The following ESRRG variants were observed in gnomAD, a reference collection of about 807,000 sequenced individuals.
The protein encoded by ESRRG is estrogen-related receptor gamma.
ESRRG carries 13 observed loss-of-function variants against 44.0 expected under a neutral mutation model. The observed-to-expected ratio is 0.30, with a 90% confidence interval of 0.19 to 0.47. The LOEUF (loss-of-function observed/expected upper bound fraction) is 0.47, where lower values mean the gene tolerates loss of function less well. Ranked by LOEUF, ESRRG falls within the 20% of genes least tolerant of loss-of-function variation. The pLI is 1.00. For missense variants in ESRRG, 395 were observed against 580.6 expected (o/e 0.68, Z 3.29); for synonymous variants, 215 against 214.6 (o/e 1.00, Z -0.02).
intron 2 of ESRRG, among the ~76,000 whole-genome samples, chr1:216,739,732 G>T (rs11117668): frequency 0.12 from 18,153 of 152,140 alleles, 1,335 homozygotes; most frequent in Middle Eastern, 0.23. Flanking sequence ...CCAGCTCACT[G>T]CTAACTCCTT....
At chr1:216,623,886 C>T (rs867219716) in intron 3 of ESRRG, among the ~76,000 whole-genome samples, 5 of 151,982 alleles carry the variant, frequency 3.3e-5, no homozygotes, top group South Asian at 2.1e-4. Context: ...AGGTCTACAC[C>T]GAGAGCAGAT....
chr1:216,675,902 C>G (rs181754676), intron 2 of ESRRG, among the ~76,000 whole-genome samples: 1 of 152,134 alleles, frequency 6.6e-6, no homozygotes, highest in South Asian at 2.1e-4. Flanking sequence ...TGGCTGTACC[C>G]AAGACCAATT....
intron 1 of ESRRG, among the ~76,000 whole-genome samples, chr1:217,047,231 C>T (rs988091337): frequency 2.0e-4 from 30 of 152,022 alleles, no homozygotes; most frequent in African/African-American, 6.5e-4. Context: ...AAAGAAGTAT[C>T]GTTTTTGAGC....
chr1:216,993,518 C>T (rs543461516), intron 1 of ESRRG, among the ~76,000 whole-genome samples: 13 of 152,314 alleles, frequency 8.5e-5, no homozygotes, highest in South Asian at 8.3e-4. Flanking sequence ...AGAACCATCT[C>T]TGAGTCACCT....
intron 1 of ESRRG, among the ~76,000 whole-genome samples, chr1:216,712,444 G>A (rs1391097318): frequency 6.6e-6 from 1 of 152,192 alleles, no homozygotes; most frequent in Non-Finnish European, 1.5e-5. Context: ...CAGTGTATCA[G>A]CAGTAGTGGC....
intron 3 of ESRRG, among the ~76,000 whole-genome samples, chr1:216,596,667 T>C (rs1323514378): frequency 6.6e-6 from 1 of 152,194 alleles, no homozygotes; most frequent in Non-Finnish European, 1.5e-5. Flanking sequence ...AGCTGAACGT[T>C]TCACATGTGG....
intron 1 of ESRRG, among the ~76,000 whole-genome samples, chr1:216,945,998 T>C (rs938705449): frequency 6.6e-6 from 1 of 152,118 alleles, no homozygotes; most frequent in Admixed American, 6.5e-5. Context: ...CATAAGGAAA[T>C]ATGGGAGGAG....
At chr1:216,720,818 T>C (rs1193687564) in intron 1 of ESRRG, among the ~76,000 whole-genome samples, 1 of 152,208 alleles carries the variant, frequency 6.6e-6, no homozygotes, top group Admixed American at 6.5e-5. Flanking sequence ...TGGACTTCAG[T>C]GATCAGGCTG....
At chr1:216,910,403 C>A (rs939601934) in intron 2 of ESRRG, among the ~76,000 whole-genome samples, 1 of 152,190 alleles carries the variant, frequency 6.6e-6, no homozygotes, top group South Asian at 2.1e-4. Context: ...TACTATACGC[C>A]GCTAATTGAA....
chr1:217,042,030 T>C (rs1009224729), intron 1 of ESRRG, among the ~76,000 whole-genome samples: 1 of 152,196 alleles, frequency 6.6e-6, no homozygotes, highest in Non-Finnish European at 1.5e-5. Flanking sequence ...CTGTCATCTT[T>C]TGATGGTCCC....
intron 1 of ESRRG, among the ~76,000 whole-genome samples, chr1:217,135,843 C>A (rs2093041988): frequency 6.6e-6 from 1 of 152,156 alleles, no homozygotes; most frequent in Admixed American, 6.5e-5. Context: ...CCGCGTGTAG[C>A]CTATAAATAG....
intron 3 of ESRRG, among the ~76,000 whole-genome samples, chr1:216,641,830 T>C (rs887807018): frequency 2.0e-5 from 3 of 152,222 alleles, no homozygotes; most frequent in African/African-American, 7.2e-5. Context: ...CTGTAAAAGA[T>C]AGTCTGGTCT....
chr1:216,940,034 G>GA (rs537734640), intron 1 of ESRRG, among the ~76,000 whole-genome samples: 142 of 148,882 alleles, frequency 9.5e-4, no homozygotes, highest in African/African-American at 3.1e-3. Flanking sequence ...ATAACTTTCA[G>GA]AAAAAAAAAA....
intron 1 of ESRRG, among the ~76,000 whole-genome samples, chr1:216,965,914 A>G (rs1362880152): frequency 1.3e-5 from 2 of 152,174 alleles, no homozygotes; most frequent in African/African-American, 4.8e-5. Context: ...TCAAAGCTCA[A>G]TGTACTAACA....
chr1:217,124,276 C>T (rs1231545292), intron 1 of ESRRG, among the ~76,000 whole-genome samples: 3 of 152,044 alleles, frequency 2.0e-5, no homozygotes. Context: ...ACATTTATTC[C>T]ACAACTCTGG....
chr1:216,737,024 T>C (rs926589906), intron 2 of ESRRG, among the ~76,000 whole-genome samples: 9 of 152,210 alleles, frequency 5.9e-5, no homozygotes, highest in African/African-American at 1.2e-4. Flanking sequence ...TTTCAACACA[T>C]TGAGTCTTAA....
At chr1:216,859,369 G>A (rs1289741755) in intron 2 of ESRRG, among the ~76,000 whole-genome samples, 2 of 152,162 alleles carry the variant, frequency 1.3e-5, no homozygotes, top group Non-Finnish European at 2.9e-5. Context: ...TTCAATTCAG[G>A]AGACACATCT....
intron 3 of ESRRG, among the ~76,000 whole-genome samples, chr1:216,628,895 C>T (rs1415338104): frequency 6.6e-6 from 1 of 152,208 alleles, no homozygotes; most frequent in Non-Finnish European, 1.5e-5. Flanking sequence ...ACCCTTTGGC[C>T]ATTTGTAACA....
chr1:216,729,430 G>A (rs2088250225), intron 2 of ESRRG, among the ~76,000 whole-genome samples: 1 of 152,190 alleles, frequency 6.6e-6, no homozygotes, highest in Non-Finnish European at 1.5e-5. Flanking sequence ...AGATGCAAGA[G>A]AAAGGCATTG....
Sources: allele counts gnomAD v4.1 joint callset (sites outside exome capture counted in the v4.1 genomes callset), GRCh38; gene constraint gnomAD v4.1.1; transcripts MANE v1.5; gene names NCBI Gene and HGNC (gene_info 2026-07-23, HGNC 2026-07-21).